The following GXYLT1 variants were observed in gnomAD, a reference collection of about 807,000 sequenced individuals.
The protein encoded by GXYLT1 is glycosyltransferase 8 domain containing 3.
A neutral mutation model predicts 54.0 loss-of-function variants in GXYLT1; 29 were observed. The observed-to-expected ratio is 0.54, with a 90% CI of 0.40 to 0.73. GXYLT1 has a LOEUF of 0.73. Ranked by LOEUF, GXYLT1 falls within the 30% of genes least tolerant of loss-of-function variation. GXYLT1 has a pLI of 0.00. For missense variants in GXYLT1, 490 were observed against 553.4 expected, an observed-to-expected ratio of 0.89 and a Z score of 1.15; for synonymous variants, 176 against 204.1, an observed-to-expected ratio of 0.86 and a Z score of 1.17.
chr12:42,104,098 G>A (rs1565569060), intron 5 of GXYLT1, among the ~76,000 whole-genome samples: 1 of 152,104 alleles, frequency 6.6e-6, no homozygotes, highest in African/African-American at 2.4e-5. Flanking sequence ...CTACAAAAAA[G>A]TAAAATAAGA....
intron 2 of GXYLT1, among the ~76,000 whole-genome samples, chr12:42,123,831 G>T (rs1275969199): frequency 6.6e-6 from 1 of 151,678 alleles, no homozygotes; most frequent in Non-Finnish European, 1.5e-5. Context: ...TTAAAAACTT[G>T]CAGTTGAACA....
In GXYLT1 at chr12:42,084,051, G is replaced by C. The variant is rs1213941415; in HGVS notation, c.*3735C>G. 2 of 151,684 alleles carry C rather than the reference G, an allele frequency of 1.3e-5. No individual in the cohort carries two copies. The highest frequency in any genetic ancestry group is 2.4e-5 in the African/African-American group (1 of 41,238). The allele number at this position is 151,684 out of a possible 1,614,324, so 9.4% of individuals were successfully genotyped here. ...GTAGGGTGATTGGGAAACAACTCTA[G>C]TACTAACAAACCAAATACAGCAGGC... On this transcript the variant is annotated 3_prime_UTR_variant, in exon 8 of 8. Coordinates refer to ENST00000398675, the MANE Select transcript of GXYLT1 (RefSeq NM_173601.2).
At chr12:42,106,408 C>G (rs535414475) in intron 4 of GXYLT1, among the ~76,000 whole-genome samples, 2 of 152,188 alleles carry the variant, frequency 1.3e-5, no homozygotes, top group East Asian at 3.9e-4. Flanking sequence ...TATCTTGAAT[C>G]CTAATTTCCT....
intron 1 of GXYLT1, among the ~76,000 whole-genome samples, chr12:42,140,995 C>A (rs372973135): frequency 1.3e-5 from 2 of 152,216 alleles, no homozygotes; most frequent in South Asian, 4.1e-4. Flanking sequence ...TCTGTCCACA[C>A]TGAAGAGCTT....
chr12:42,126,024 C>CA lies in GXYLT1; in HGVS notation c.314+3734dup, dbSNP rs201404358. ...CCTGGGCGACAAAGTGAGACTATCT[C>CA]AAAAAAACAAACAAACCAAACAAAA... On this transcript the variant is annotated intron_variant, in intron 2 of 7. Transcript: ENST00000398675. 5.4e-3 allele frequency among the ~76,000 whole-genome samples: 798 copies of CA among 146,530 alleles called. 1 individual carries two copies. The highest frequency in any genetic ancestry group is 9.1e-3 in the Admixed American group (134 of 14,724).
chr12:42,107,398 A>G (rs1452973969), intron 4 of GXYLT1, among the ~76,000 whole-genome samples: 1 of 152,166 alleles, frequency 6.6e-6, no homozygotes, highest in African/African-American at 2.4e-5. Context: ...CTCAACTAAA[A>G]GGGAATCTGT....
chr12:42,118,469 C>T (rs796439901), intron 3 of GXYLT1, among the ~76,000 whole-genome samples: 10 of 152,318 alleles, frequency 6.6e-5, no homozygotes, highest in African/African-American at 2.4e-4. Context: ...CTTCCTCTTT[C>T]ACGTTAGATC....
At chr12:42,094,592 G>A (rs1367707761) in intron 7 of GXYLT1, among the ~76,000 whole-genome samples, 1 of 145,878 alleles carries the variant, frequency 6.9e-6, no homozygotes, top group African/African-American at 2.6e-5. Flanking sequence ...CCAGGGGGCA[G>A]GGGTTACAAT....
At chr12:42,107,583 C>A (rs777539538) in intron 4 of GXYLT1, among the ~76,000 whole-genome samples, 2 of 151,924 alleles carry the variant, frequency 1.3e-5, no homozygotes, top group Non-Finnish European at 2.9e-5. Context: ...CCAAGCTACT[C>A]GGGAGGCTGG....
chr12:42,109,793 A>G (rs1221854053), intron 3 of GXYLT1, 102 bp from the exon 4 acceptor site: 6 of 699,120 alleles, frequency 8.6e-6, no homozygotes, highest in Non-Finnish European at 1.4e-5. Flanking sequence ...AATTAAGATA[A>G]TATACATTTT....
At chr12:42,098,243 T>C (rs2065368418) in intron 5 of GXYLT1, among the ~76,000 whole-genome samples, 1 of 152,164 alleles carries the variant, frequency 6.6e-6, no homozygotes, top group African/African-American at 2.4e-5. Flanking sequence ...TATGTGGCAG[T>C]GACAAAACTA....
At position 42,109,566 on chromosome 12, in the gene GXYLT1, C is replaced by A; in HGVS notation, c.612G>T (p.Pro204=). The change falls in exon 4 of 8, where the codon CCG becomes CCT. Residue 204 remains proline, a splice_region_variant and synonymous_variant. Coordinates refer to ENST00000398675, the MANE Select transcript of GXYLT1 (RefSeq NM_173601.2). ...AAAGACACTAGGGGAAAAAACTTAC[C>A]GGCAAGAACAATCTCTGCGAAGCAC... The part of the protein sequence containing the change: ...KPCASQRLFL[P]LILKEVDSLL... The A allele has an allele frequency of 2.0e-6, 3 of 1,478,594 alleles. No individual in the cohort carries two copies. The highest frequency in any genetic ancestry group is 1.5e-5 in the South Asian group (1 of 67,464). The allele number at this position is 1,478,594 out of a possible 1,614,324, so 91.6% of individuals were successfully genotyped here. A position where few individuals can be genotyped will look rare whatever the true frequency, so the allele number is the denominator to read the frequency against.
chr12:42,118,916 G>A (rs2065512855), intron 3 of GXYLT1, 84 bp downstream of exon 3: 4 of 1,025,618 alleles, frequency 3.9e-6, no homozygotes, highest in Non-Finnish European at 5.6e-6. Flanking sequence ...CTAGCAATGT[G>A]AACAGACTAT....
Position 42,087,813 on chromosome 12 carries a change from A to C in GXYLT1, c.1296T>G (p.Arg432=). ...ACTTTTCCTTTGGTGATCTGGCATA[A>C]CGATCTCTTACACTTTTTGCTAGTT... The part of the protein sequence containing the change: ...IKQLAKSVRD[R]YARSPKEK The change falls in exon 8 of 8, where the codon CGT becomes CGG. Residue 432 remains arginine, a synonymous_variant. Transcript: ENST00000398675. The C allele has an allele frequency of 6.2e-7, 1 of 1,605,588 alleles. No homozygotes were observed. Among genetic ancestry groups the C allele is most frequent in the Non-Finnish European group, 8.5e-7 (1 of 1,177,168 alleles).
At position 42,082,999 on chromosome 12, in the gene GXYLT1, T is replaced by C. The variant is rs2065262326; in HGVS notation, c.*4787A>G. On this transcript the variant is annotated 3_prime_UTR_variant, in exon 8 of 8. Coordinates refer to ENST00000398675, the MANE Select transcript of GXYLT1 (RefSeq NM_173601.2). ...GTGAGATAAATTTTCATTTCTATTTTTTCCTATCTTTTCAAAGTCCCATTA... is the reference window on the plus strand; with the variant it reads ...GTGAGATAAATTTTCATTTCTATTTCTTCCTATCTTTTCAAAGTCCCATTA... The C allele has an allele frequency of 6.6e-6, 1 of 152,200 alleles. No homozygotes were observed. The highest frequency in any genetic ancestry group is 1.5e-5 in the Non-Finnish European group (1 of 68,032). The allele number at this position is 152,200 out of a possible 1,614,324, so 9.4% of individuals were successfully genotyped here.
chr12:42,136,970 G>T (rs551952081), intron 1 of GXYLT1, among the ~76,000 whole-genome samples: 1 of 152,056 alleles, frequency 6.6e-6, no homozygotes, highest in Non-Finnish European at 1.5e-5. Context: ...TGTTGAGAGA[G>T]TGTTTTGCCA....
intron 7 of GXYLT1, among the ~76,000 whole-genome samples, chr12:42,092,613 G>T (rs1240657259): frequency 6.6e-6 from 1 of 152,124 alleles, no homozygotes; most frequent in Non-Finnish European, 1.5e-5. Context: ...ACTGGGGGAT[G>T]GGGGAGAGAG....
intron 5 of GXYLT1, among the ~76,000 whole-genome samples, chr12:42,098,406 A>G (rs548232517): frequency 2.2e-4 from 34 of 151,778 alleles, no homozygotes; most frequent in Non-Finnish European, 4.6e-4. Flanking sequence ...GACACGTGGT[A>G]AATATTCAGT....
At chr12:42,122,636 A>T (rs570489936) in intron 2 of GXYLT1, among the ~76,000 whole-genome samples, 6 of 152,280 alleles carry the variant, frequency 3.9e-5, no homozygotes, top group African/African-American at 1.4e-4. Flanking sequence ...GATATTAAAT[A>T]AAGGGGTAAG....
Sources: allele counts gnomAD v4.1 joint callset (sites outside exome capture counted in the v4.1 genomes callset), GRCh38; gene constraint gnomAD v4.1.1; transcripts MANE v1.5; gene names NCBI Gene and HGNC (gene_info 2026-07-23, HGNC 2026-07-21).